The following MAP4K3 variants were observed in gnomAD, a reference collection of about 807,000 sequenced individuals.
MAP4K3 encodes MAPK/ERK kinase kinase kinase 3.
In MAP4K3, 94 loss-of-function variants were observed where a neutral mutation model predicts 143.5. The ratio of observed to expected loss-of-function variants is 0.65; its 90% CI spans 0.55 to 0.78. The LOEUF is 0.78. Among genes scored for constraint, MAP4K3 ranks in the 30% least tolerant of loss-of-function variants. The pLI is 0.00. For synonymous variants in MAP4K3, 416 were observed against 347.2 expected, an observed-to-expected ratio of 1.20 and a Z score of -2.20; for missense variants, 1,077 against 1,068.1, an observed-to-expected ratio of 1.01 and a Z score of -0.12.
At chr2:39,280,597 T>A (rs746061894) in intron 22 of MAP4K3, among the ~76,000 whole-genome samples, 8 of 152,068 alleles carry the variant, frequency 5.3e-5, no homozygotes, top group Admixed American at 1.3e-4. Flanking sequence ...AAAAAAGGTC[T>A]TATTTTTTCT....
At chr2:39,376,254 AT>A (rs1666215170) in intron 2 of MAP4K3, among the ~76,000 whole-genome samples, 1 of 152,178 alleles carries the variant, frequency 6.6e-6, no homozygotes, top group African/African-American at 2.4e-5. Flanking sequence ...ATGGGCTGGA[AT>A]TTTATGATTG....
intron 1 of MAP4K3, among the ~76,000 whole-genome samples, chr2:39,390,885 A>G (rs982642957): frequency 6.6e-6 from 1 of 152,192 alleles, no homozygotes; most frequent in Non-Finnish European, 1.5e-5. Flanking sequence ...ACGATGGGAA[A>G]GTCTGTCTTC....
chr2:39,300,725 T>G (rs1451404004), intron 15 of MAP4K3, among the ~76,000 whole-genome samples: 4 of 152,224 alleles, frequency 2.6e-5, no homozygotes, highest in African/African-American at 9.6e-5. Flanking sequence ...AAAAGCCACC[T>G]TGGAGCAGCC....
intron 32 of MAP4K3, among the ~76,000 whole-genome samples, chr2:39,254,249 T>C (rs1252787253): frequency 2.0e-5 from 3 of 152,186 alleles, no homozygotes; most frequent in Non-Finnish European, 4.4e-5. Context: ...GCACATTAAA[T>C]ATGCACTAAA....
At chr2:39,328,613 A>T (rs1208384647) in intron 8 of MAP4K3, among the ~76,000 whole-genome samples, 4 of 152,200 alleles carry the variant, frequency 2.6e-5, no homozygotes, top group African/African-American at 9.6e-5. Context: ...TTTTTTGGAT[A>T]GTGTCAATGT....
chr2:39,272,287 G>A lies in MAP4K3; in HGVS notation c.1969C>T (p.Pro657Ser). 6.2e-7 allele frequency: 1 copy of A among 1,604,450 alleles called. No individual in the cohort carries two copies. Among genetic ancestry groups the A allele is most frequent in the Non-Finnish European group, 8.5e-7 (1 of 1,171,344 alleles). The change falls in exon 26 of 34, where the codon CCA (proline) becomes TCA (serine). Residue 657 changes from proline to serine, a missense_variant. Around this residue, in one of 2 missense-constraint regions of MAP4K3, gnomAD observed 864 missense variants for 801.2 expected, o/e 1.08. Transcript: ENST00000263881. ...PAHKLPDRIL[P>S]RKFSVSAKIP... is the part of the protein sequence containing the mutation. ...CCTCTAAGGATGTACCCTTACCTTGGCAGTATTCTGTCAGGGAGTTTGTGT... is the reference window on the plus strand; with the variant it reads ...CCTCTAAGGATGTACCCTTACCTTGACAGTATTCTGTCAGGGAGTTTGTGT...
At chr2:39,345,847 G>T (rs978917677) in intron 3 of MAP4K3, among the ~76,000 whole-genome samples, 16 of 150,284 alleles carry the variant, frequency 1.1e-4, no homozygotes, top group Non-Finnish European at 4.4e-5. Flanking sequence ...GCATGAACCC[G>T]GGAGGCGGAG....
Position 39,360,417 on chromosome 2 carries a change from C to G in MAP4K3, c.155-4078G>C, listed in dbSNP as rs1377502061. Among the ~76,000 whole-genome samples the G allele has an allele frequency of 2.6e-5, 4 of 152,210 alleles. No individual in the cohort carries two copies. The East Asian group carries it at 7.7e-4, about 29-fold the overall frequency. The stretch of plus-strand genomic sequence containing the variant: ...TCTGTCTTCTGAGCCCTACAAGTCT[C>G]TCGGAACTTCCAAACTTTTCCACAT... On this transcript the variant is annotated intron_variant, in intron 2 of 33. Transcript: ENST00000263881.
intron 28 of MAP4K3, 57 bp downstream of exon 28, chr2:39,265,146 C>A: frequency 8.9e-7 from 1 of 1,120,012 alleles, no homozygotes; most frequent in Non-Finnish European, 1.3e-6. Flanking sequence ...CTTTAAAGAA[C>A]AGTAAGGTTG....
chr2:39,305,175 T>C (rs1682657908), intron 15 of MAP4K3, among the ~76,000 whole-genome samples: 1 of 152,156 alleles, frequency 6.6e-6, no homozygotes. Flanking sequence ...ATAATGCCAC[T>C]GGACTGTAGA....
chr2:39,417,111 C>G (rs983758678), intron 1 of MAP4K3, among the ~76,000 whole-genome samples: 2 of 151,890 alleles, frequency 1.3e-5, no homozygotes, highest in Admixed American at 1.3e-4. Context: ...TTTGGCTTGT[C>G]AACTTGTAAC....
intron 1 of MAP4K3, among the ~76,000 whole-genome samples, chr2:39,404,772 C>T (rs554405341): frequency 1.2e-4 from 18 of 152,118 alleles, no homozygotes; most frequent in African/African-American, 3.9e-4. Context: ...TAGGCTTGCA[C>T]GACCACACCT....
chr2:39,365,392 G>A (rs1033475074), intron 2 of MAP4K3, among the ~76,000 whole-genome samples: 1 of 151,844 alleles, frequency 6.6e-6, no homozygotes, highest in Non-Finnish European at 1.5e-5. Context: ...CAGTCGGTTG[G>A]GGGGCTTAGA....
rs74533657 is a variant in MAP4K3, at chr2:39,257,366, T to C, written c.2470+982A>G. ...TGAGAATGACAAGAAGGAACTTCCATATACTTAAAATTCTCTGAGCAGCAG... is the reference window on the plus strand; with the variant it reads ...TGAGAATGACAAGAAGGAACTTCCACATACTTAAAATTCTCTGAGCAGCAG... On this transcript the variant is annotated intron_variant, in intron 31 of 33. Transcript: ENST00000263881. Among the ~76,000 whole-genome samples the C allele has an allele frequency of 7.0e-3, 1,062 of 152,288 alleles. 14 individuals carry two copies. Among genetic ancestry groups the C allele is most frequent in the African/African-American group, 0.025 (1,018 of 41,544 alleles).
chr2:39,427,999 C>T (rs1172516374), intron 1 of MAP4K3, among the ~76,000 whole-genome samples: 1 of 152,188 alleles, frequency 6.6e-6, no homozygotes, highest in Non-Finnish European at 1.5e-5. Flanking sequence ...TCCACAATCG[C>T]AAATACAATT....
intron 32 of MAP4K3, among the ~76,000 whole-genome samples, chr2:39,252,124 A>G (rs1191150756): frequency 6.6e-6 from 1 of 152,278 alleles, no homozygotes; most frequent in Admixed American, 6.5e-5. Flanking sequence ...TTGTTAAATC[A>G]TAAGACTTCA....
At chr2:39,255,914 A>C (rs1680324044) in intron 31 of MAP4K3, among the ~76,000 whole-genome samples, 1 of 152,212 alleles carries the variant, frequency 6.6e-6, no homozygotes, top group Non-Finnish European at 1.5e-5. Context: ...CCTGTGGATT[A>C]ACTGAAGAAC....
At chr2:39,389,474 T>C (rs966591286) in intron 1 of MAP4K3, among the ~76,000 whole-genome samples, 3 of 151,476 alleles carry the variant, frequency 2.0e-5, no homozygotes, top group African/African-American at 7.3e-5. Flanking sequence ...AAACAAGAAA[T>C]CCACATCTAG....
intron 7 of MAP4K3, 75 bp downstream of exon 7, chr2:39,333,457 C>T: frequency 1.7e-6 from 2 of 1,151,640 alleles, no homozygotes; most frequent in Non-Finnish European, 2.6e-6. Context: ...AAAACCTGGT[C>T]CTACAAAGGA....
Sources: allele counts gnomAD v4.1 joint callset (sites outside exome capture counted in the v4.1 genomes callset), GRCh38; gene constraint gnomAD v4.1.1; regional missense constraint gnomAD v4.1.1; transcripts MANE v1.5; gene names NCBI Gene and HGNC (gene_info 2026-07-23, HGNC 2026-07-21).